Variants in ACACA observed in about 807,000 individuals in gnomAD.
ACACA encodes the protein acetyl-CoA carboxylase alpha, also known as acetyl-CoA carboxylase 1.
A neutral mutation model predicts 296.1 loss-of-function variants in ACACA; 103 were observed. That is an observed-to-expected ratio of 0.35 (90% CI 0.30 to 0.41). The LOEUF is 0.41. Ranked by LOEUF, ACACA falls within the 10% of genes least tolerant of loss-of-function variation. The pLI is 1.00. For missense variants in ACACA, 1,554 were observed against 2,989.7 expected, an observed-to-expected ratio of 0.52 and a Z score of 11.20; for synonymous variants, 953 against 1,038.6, an observed-to-expected ratio of 0.92 and a Z score of 1.58.
chr17:37,240,360 G>A, intron 24 of ACACA, 116 bp downstream of exon 24: 1 of 812,622 alleles, frequency 1.2e-6, no homozygotes, highest in Non-Finnish European at 2.1e-6. Context: ...GTTTATTAAT[G>A]GGAAGTGTTG....
Position 37,086,867 on chromosome 17 carries a change from C to G in ACACA, c.*449G>C. On this transcript the variant is annotated 3_prime_UTR_variant, in exon 56 of 56. Coordinates refer to ENST00000616317, the MANE Select transcript of ACACA (RefSeq NM_198834.3). ...CAATGGACTTGAGGCTTCCTCCTCT[C>G]CTTAGCCCTCCTCTGCTGCCTGTGG... The G allele has an allele frequency of 7.6e-6, 2 of 262,906 alleles. No homozygotes were observed. Among genetic ancestry groups the G allele is most frequent in the Non-Finnish European group, 1.5e-5 (2 of 133,032 alleles). 16.3% of individuals were successfully genotyped at this position (262,906 alleles called of 1,614,324 possible). A position where few individuals can be genotyped will look rare whatever the true frequency, so the allele number is the denominator to read the frequency against.
intron 52 of ACACA, among the ~76,000 whole-genome samples, chr17:37,099,470 T>G (rs908945825): frequency 1.0e-3 from 130 of 124,676 alleles, no homozygotes; most frequent in South Asian, 1.8e-3. Flanking sequence ...GGCTGAGGGA[T>G]GGAGGGCTGA....
chr17:37,112,049 A>ACTATCTATCTATCTATCTATCTAT lies in ACACA; in HGVS notation c.6453-430_6453-407dup, dbSNP rs10531552. ...TAATGAAGGGCAATACTTCATCAAT[A>ACTATCTATCTATCTATCTATCTAT]CTATCTATCTATCTATCTATCTATC... On this transcript the variant is annotated intron_variant, in intron 51 of 55. Transcript: ENST00000616317. Among the ~76,000 whole-genome samples, 802 of 149,446 alleles carry ACTATCTATCTATCTATCTATCTAT rather than the reference A, an allele frequency of 5.4e-3. 10 individuals carry two copies. Among genetic ancestry groups the ACTATCTATCTATCTATCTATCTAT allele is most frequent in the Middle Eastern group, 0.017 (5 of 292 alleles).
At chr17:37,244,518 A>G (rs2080592789) in intron 21 of ACACA, 70 bp downstream of exon 21, 1 of 1,572,060 alleles carries the variant, frequency 6.4e-7, no homozygotes, top group Admixed American at 1.7e-5. Context: ...AATCATTATG[A>G]GACTTGGAAC....
intron 3 of ACACA, among the ~76,000 whole-genome samples, chr17:37,286,290 G>C (rs1402185483): frequency 3.9e-5 from 6 of 152,190 alleles, no homozygotes; most frequent in Admixed American, 3.9e-4. Context: ...AAACAGCACA[G>C]GCCTGGGTTT....
rs563376284 is a variant in ACACA at position 37,185,994 on chromosome 17, G to C, written c.4776+2283C>G. ...TGTTCATTACAGCCTATACTACAAAGACTGTACAAGGAAAATGAAAAATAA... is the reference window on the plus strand; with the variant it reads ...TGTTCATTACAGCCTATACTACAAACACTGTACAAGGAAAATGAAAAATAA... On this transcript the variant is annotated intron_variant, in intron 39 of 55. Coordinates refer to ENST00000616317, the MANE Select transcript of ACACA (RefSeq NM_198834.3). Among the ~76,000 whole-genome samples the C allele has an allele frequency of 3.9e-5, 6 of 152,238 alleles. No homozygotes were observed. In the South Asian group the frequency reaches 1.2e-3, roughly 32 times the overall value.
chr17:37,205,675 G>T, intron 33 of ACACA, 90 bp downstream of exon 33: 1 of 1,011,562 alleles, frequency 9.9e-7, no homozygotes, highest in Non-Finnish European at 1.6e-6. Flanking sequence ...AAAAGACATA[G>T]CCATAAACTA....
At chr17:37,199,809 G>T (rs951666088) in intron 35 of ACACA, among the ~76,000 whole-genome samples, 2 of 136,148 alleles carry the variant, frequency 1.5e-5, no homozygotes, top group Non-Finnish European at 3.0e-5. Context: ...GATATATTGA[G>T]AATTCATTAT....
At position 37,237,586 on chromosome 17, in the gene ACACA, G is replaced by GT. The variant is rs1359992801; in HGVS notation, c.3122-2488dup. Among the ~76,000 whole-genome samples the GT allele has an allele frequency of 2.6e-5, 4 of 152,264 alleles. No homozygotes were observed. The East Asian group carries it at 7.7e-4, about 29-fold the overall frequency. ...TACAAATGGGATTGAGCATCTTTGT[G>GT]TAAGTTTATAAATTATTTGTACTTC... On this transcript the variant is annotated intron_variant, in intron 24 of 55. Transcript: ENST00000616317.
chr17:37,138,675 C>T (rs559123818), intron 45 of ACACA, among the ~76,000 whole-genome samples: 1 of 152,186 alleles, frequency 6.6e-6, no homozygotes, highest in Non-Finnish European at 1.5e-5. Context: ...TGTAAGAGTA[C>T]AATGGGCTCA....
At position 37,089,039 on chromosome 17, in the gene ACACA, C is replaced by T; in HGVS notation, c.6927G>A (p.Glu2309=). 1 of 1,614,210 alleles carries T rather than the reference C, an allele frequency of 6.2e-7. No homozygotes were observed. The highest frequency in any genetic ancestry group is 8.5e-7 in the Non-Finnish European group (1 of 1,180,040). The change falls in exon 55 of 56, where the codon GAG becomes GAA. Residue 2309 remains glutamate (E), a synonymous_variant. Coordinates refer to ENST00000616317, the MANE Select transcript of ACACA (RefSeq NM_198834.3). The part of the protein sequence containing the change: ...YVWDNNKDLA[E]WLEKQLTEED... ...CCTCTGTCAGCTGTTTCTCTAGCCA[C>T]TCCGCCAGATCCTTATTATTGTCCC... is the stretch of plus-strand genomic sequence containing the variant.
intron 1 of ACACA, among the ~76,000 whole-genome samples, chr17:37,369,870 T>TA (rs1184392122): frequency 6.6e-6 from 1 of 151,918 alleles, no homozygotes; most frequent in African/African-American, 2.4e-5. Context: ...CACACCCATC[T>TA]AATTTTTGTA....
intron 3 of ACACA, among the ~76,000 whole-genome samples, chr17:37,292,869 AAAAG>A (rs1018273897): frequency 4.6e-5 from 7 of 152,220 alleles, no homozygotes; most frequent in African/African-American, 1.7e-4. Context: ...GTCTCAAAAA[AAAAG>A]AAATTGACTC....
At chr17:37,375,887 T>C (rs1036007449) in intron 1 of ACACA, 6 of 489,246 alleles carry the variant, frequency 1.2e-5, no homozygotes, top group African/African-American at 1.2e-4. Context: ...GAGTGAATTA[T>C]TAATAAGCAG....
intron 39 of ACACA, among the ~76,000 whole-genome samples, chr17:37,187,434 C>G (rs2077580119): frequency 6.6e-6 from 1 of 152,200 alleles, no homozygotes; most frequent in South Asian, 2.1e-4. Flanking sequence ...ATCCTTTAAT[C>G]AGAAGAAATG....
At chr17:37,273,282 G>C (rs138217822) in intron 9 of ACACA, among the ~76,000 whole-genome samples, 1 of 152,080 alleles carries the variant, frequency 6.6e-6, no homozygotes. Flanking sequence ...CATTATACCT[G>C]GAAGCATAAC....
chr17:37,121,030 T>C (rs2074501765), intron 50 of ACACA, among the ~76,000 whole-genome samples: 1 of 152,136 alleles, frequency 6.6e-6, no homozygotes, highest in Non-Finnish European at 1.5e-5. Context: ...ACAAAGTATA[T>C]GCCCAGAAAA....
In ACACA at chr17:37,306,188, G is replaced by A. The variant is rs1013435241; in HGVS notation, c.339-21218C>T. On this transcript the variant is annotated intron_variant, in intron 3 of 55. Transcript: ENST00000616317. ...CTCCCAAAGTGCTGGGATTACAGGC[G>A]TGAGCCACTGCACCCGGCCAGCAGT... is the stretch of plus-strand genomic sequence containing the variant. Among the ~76,000 whole-genome samples the A allele has an allele frequency of 2.0e-5, 3 of 152,062 alleles. No homozygotes were observed. In the East Asian group the frequency reaches 5.8e-4, roughly 29 times the overall value.
In ACACA at chr17:37,406,518, TC is replaced by T; in HGVS notation, c.-220del. 1 of 623,436 alleles carries T rather than the reference TC, an allele frequency of 1.6e-6. No individual in the cohort carries two copies. Among genetic ancestry groups the T allele is most frequent in the Admixed American group, 2.8e-5 (1 of 36,186 alleles). The allele number at this position is 623,436 out of a possible 1,614,324, so 38.6% of individuals were successfully genotyped here. ...GGGCCCAGTTCCCTCAGCCTCAATT[TC>T]CCTTGCTGCAACAGGGGTGGAGATG... On this transcript the variant is annotated 5_prime_UTR_variant, in exon 1 of 56. Coordinates refer to ENST00000616317, the MANE Select transcript of ACACA (RefSeq NM_198834.3).
Sources: gnomAD v4.1 joint callset for allele counts (sites outside exome capture counted in the v4.1 genomes callset) on GRCh38, gnomAD v4.1.1 for gene constraint, MANE v1.5 for transcripts, NCBI Gene and HGNC (gene_info 2026-07-23, HGNC 2026-07-21) for gene names.